STAU2: variants seen among roughly 807,000 people sequenced by gnomAD.
STAU2 encodes staufen double-stranded RNA binding protein 2.
Under a neutral mutation model 65.9 loss-of-function variants are expected in STAU2, and 20 were observed. The ratio of observed to expected loss-of-function variants is 0.30; its 90% confidence interval spans 0.21 to 0.44. STAU2 has a LOEUF of 0.44. Among genes scored for constraint, STAU2 ranks in the 20% least tolerant of loss-of-function variants. STAU2 has a pLI of 1.00. For synonymous variants in STAU2, 232 were observed against 233.9 expected, an observed-to-expected ratio of 0.99 and a Z score of 0.07; for missense variants, 558 against 683.9, an observed-to-expected ratio of 0.82 and a Z score of 2.05.
At chr8:73,474,710 TA>T (rs1449358216) in intron 13 of STAU2, among the ~76,000 whole-genome samples, 1 of 152,216 alleles carries the variant, frequency 6.6e-6, no homozygotes, top group East Asian at 1.9e-4. Context: ...CTGATATTTA[TA>T]CAGCTTATTT....
At chr8:73,438,404 C>T (rs1233476293) in intron 13 of STAU2, among the ~76,000 whole-genome samples, 1 of 152,146 alleles carries the variant, frequency 6.6e-6, no homozygotes, top group Admixed American at 6.5e-5. Flanking sequence ...GTGCTCAAGT[C>T]ACCCTGGAGG....
At chr8:73,521,925 A>G (rs547363492) in intron 13 of STAU2, among the ~76,000 whole-genome samples, 1 of 152,350 alleles carries the variant, frequency 6.6e-6, no homozygotes, top group Non-Finnish European at 1.5e-5. Flanking sequence ...GTAAATACTA[A>G]TATACATATG....
At chr8:73,496,738 C>T (rs1442060838) in intron 13 of STAU2, among the ~76,000 whole-genome samples, 1 of 151,622 alleles carries the variant, frequency 6.6e-6, no homozygotes, top group Non-Finnish European at 1.5e-5. Context: ...TCAATAAAAA[C>T]TTATTACTGA....
At chr8:73,477,594 C>CG (rs1300348957) in intron 13 of STAU2, among the ~76,000 whole-genome samples, 2 of 152,118 alleles carry the variant, frequency 1.3e-5, no homozygotes, top group Non-Finnish European at 2.9e-5. Flanking sequence ...AAAGGACTGG[C>CG]GGCAGGCCTG....
chr8:73,426,686 A>G (rs1053334196), intron 13 of STAU2, among the ~76,000 whole-genome samples: 1 of 152,102 alleles, frequency 6.6e-6, no homozygotes, highest in African/African-American at 2.4e-5. Context: ...TACATATACC[A>G]TGGTTTTTTG....
At chr8:73,702,598 CAAAG>C (rs1820193425) in intron 4 of STAU2, among the ~76,000 whole-genome samples, 2 of 151,716 alleles carry the variant, frequency 1.3e-5, no homozygotes, top group South Asian at 4.2e-4. Flanking sequence ...AAAAAAGAGA[CAAAG>C]AATATTATTA....
Position 73,478,238 on chromosome 8 carries a change from T to C in STAU2, c.1531-55536A>G, listed in dbSNP as rs145171505. ...AATCTTTTGGCTTCCCTGGGCCACA[T>C]TGGAAGAATTAAGAATTATCTTGGG... On this transcript the variant is annotated intron_variant, in intron 13 of 14. Transcript: ENST00000524300. 2.2e-4 allele frequency among the ~76,000 whole-genome samples: 32 copies of C among 144,472 alleles called. 1 individual carries two copies. The highest frequency in any genetic ancestry group is 8.2e-4 in the East Asian group (4 of 4,858). 94.8% of individuals were successfully genotyped at this position (144,472 alleles called of 152,430 possible). A position where few individuals can be genotyped will look rare whatever the true frequency, so the allele number is the denominator to read the frequency against.
intron 12 of STAU2, among the ~76,000 whole-genome samples, chr8:73,564,677 A>G (rs1432842161): frequency 6.6e-6 from 1 of 152,190 alleles, no homozygotes; most frequent in Non-Finnish European, 1.5e-5. Context: ...TTAAAAAAAA[A>G]AGAAAATATA....
At chr8:73,491,984 T>G (rs2128915676) in intron 13 of STAU2, among the ~76,000 whole-genome samples, 1 of 151,876 alleles carries the variant, frequency 6.6e-6, no homozygotes, top group East Asian at 1.9e-4. Context: ...ATTTGGCGTG[T>G]TTTGATTATT....
intron 6 of STAU2, among the ~76,000 whole-genome samples, chr8:73,619,270 C>T (rs1813055574): frequency 6.6e-6 from 1 of 152,022 alleles, no homozygotes; most frequent in South Asian, 2.1e-4. Context: ...ATGCTACTAA[C>T]AGGTCAAGTA....
intron 12 of STAU2, among the ~76,000 whole-genome samples, chr8:73,553,860 T>C (rs765974621): frequency 6.6e-6 from 1 of 152,112 alleles, no homozygotes; most frequent in Non-Finnish European, 1.5e-5. Flanking sequence ...TCAGTGGGAA[T>C]GTTTGTAAGG....
intron 13 of STAU2, among the ~76,000 whole-genome samples, chr8:73,511,869 A>G (rs1822424644): frequency 6.6e-6 from 1 of 152,152 alleles, no homozygotes; most frequent in African/African-American, 2.4e-5. Context: ...TGGTTCTTTG[A>G]GAAGTTTTAA....
chr8:73,441,724 G>A (rs1183937292), intron 13 of STAU2, among the ~76,000 whole-genome samples: 3 of 152,074 alleles, frequency 2.0e-5, no homozygotes, highest in Non-Finnish European at 2.9e-5. Context: ...AGATTATTTC[G>A]CCCGTTTATT....
chr8:73,457,617 G>T (rs971161620), intron 13 of STAU2, among the ~76,000 whole-genome samples: 2 of 152,206 alleles, frequency 1.3e-5, no homozygotes, highest in African/African-American at 4.8e-5. Context: ...TGACGCCAAG[G>T]CTTTGCTCAG....
intron 13 of STAU2, among the ~76,000 whole-genome samples, chr8:73,453,969 T>G (rs1407436989): frequency 6.6e-6 from 1 of 152,212 alleles, no homozygotes; most frequent in Non-Finnish European, 1.5e-5. Context: ...CTTGGATGCA[T>G]GTCTGTGTAG....
chr8:73,479,727 G>GTGTGTC (rs1337370595), intron 13 of STAU2, among the ~76,000 whole-genome samples: 1 of 151,034 alleles, frequency 6.6e-6, no homozygotes, highest in African/African-American at 2.4e-5. Context: ...GTGTGTGTGT[G>GTGTGTC]TGTGTGTGTG....
At chr8:73,664,349 A>G (rs751459014) in intron 6 of STAU2, among the ~76,000 whole-genome samples, 11 of 152,168 alleles carry the variant, frequency 7.2e-5, no homozygotes, top group Non-Finnish European at 1.5e-4. Context: ...AACAGAAGTG[A>G]TAACAGTGTG....
intron 7 of STAU2, 133 bp downstream of exon 7, chr8:73,617,159 A>G (rs1812891139): frequency 1.8e-6 from 2 of 1,104,162 alleles, no homozygotes; most frequent in Non-Finnish European, 1.2e-6. Flanking sequence ...GAACACATGA[A>G]GCAAGACTGT....
chr8:73,460,649 G>A (rs1489661990), intron 13 of STAU2, among the ~76,000 whole-genome samples: 1 of 152,174 alleles, frequency 6.6e-6, no homozygotes. Flanking sequence ...GAGCTGTCTT[G>A]TGCATTCTCT....
Sources: allele counts gnomAD v4.1 joint callset (sites outside exome capture counted in the v4.1 genomes callset), GRCh38; gene constraint gnomAD v4.1.1; transcripts MANE v1.5; gene names NCBI Gene and HGNC (gene_info 2026-07-23, HGNC 2026-07-21).